Variants in XPR1 observed in about 807,000 individuals in gnomAD.
XPR1 encodes xenotropic and polytropic retrovirus receptor 1, also known as solute carrier family 53 member 1.
Under a neutral mutation model 87.5 loss-of-function variants are expected in XPR1, and 28 were observed. The observed-to-expected ratio is 0.32, with a 90% CI of 0.24 to 0.44. The LOEUF is 0.44. Among genes scored for constraint, XPR1 ranks in the 20% least tolerant of loss-of-function variants. The pLI, the probability that XPR1 is intolerant of heterozygous loss-of-function variation, is 1.00. For missense variants in XPR1, 559 were observed against 862.3 expected (o/e 0.65, Z 4.41); for synonymous variants, 300 against 306.1 (o/e 0.98, Z 0.21).
At chr1:180,848,577 T>C (rs188118611) in intron 11 of XPR1, among the ~76,000 whole-genome samples, 8 of 152,292 alleles carry the variant, frequency 5.3e-5, no homozygotes, top group Non-Finnish European at 7.4e-5. Context: ...TGGACACTTA[T>C]GTTGATTTTT....
At chr1:180,727,343 A>T (rs1313041890) in intron 2 of XPR1, among the ~76,000 whole-genome samples, 2 of 152,156 alleles carry the variant, frequency 1.3e-5, no homozygotes, top group African/African-American at 4.8e-5. Context: ...CCATAGAGCA[A>T]AGTGAAAGCA....
chr1:180,677,417 T>G (rs1323364700), intron 1 of XPR1, among the ~76,000 whole-genome samples: 1 of 151,960 alleles, frequency 6.6e-6, no homozygotes, highest in East Asian at 1.9e-4. Context: ...TGCTGATTGG[T>G]TGGGTTGGAG....
chr1:180,839,942 G>A (rs919951521), intron 11 of XPR1, among the ~76,000 whole-genome samples: 7 of 151,296 alleles, frequency 4.6e-5, no homozygotes, highest in South Asian at 2.1e-4. Flanking sequence ...TGTTGCCCTC[G>A]GCCGGGCGCG....
chr1:180,714,405 C>CGTCTGTCT (rs141207072), intron 2 of XPR1, among the ~76,000 whole-genome samples: 1 of 120,564 alleles, frequency 8.3e-6, no homozygotes, highest in Non-Finnish European at 1.7e-5. Flanking sequence ...CTCTCTCTGT[C>CGTCTGTCT]GTCTGTCTGT....
intron 2 of XPR1, among the ~76,000 whole-genome samples, chr1:180,684,194 G>A (rs1656683385): frequency 6.6e-6 from 1 of 152,206 alleles, no homozygotes; most frequent in South Asian, 2.1e-4. Context: ...TGGCTAGCCA[G>A]TTTTCCCAGC....
chr1:180,634,304 A>G (rs1340999219), intron 1 of XPR1, among the ~76,000 whole-genome samples: 2 of 152,220 alleles, frequency 1.3e-5, no homozygotes, highest in Non-Finnish European at 2.9e-5. Context: ...AGTTCCTACT[A>G]TATGGCTCCT....
intron 2 of XPR1, among the ~76,000 whole-genome samples, chr1:180,718,844 T>C (rs959195260): frequency 6.6e-6 from 1 of 152,014 alleles, no homozygotes; most frequent in African/African-American, 2.4e-5. Context: ...AATTTTTGTA[T>C]TTTTAGTAGA....
chr1:180,653,830 C>G (rs1211836182), intron 1 of XPR1, among the ~76,000 whole-genome samples: 1 of 152,134 alleles, frequency 6.6e-6, no homozygotes, highest in Non-Finnish European at 1.5e-5. Flanking sequence ...GCATTGACTA[C>G]TAAGTGACTA....
chr1:180,824,796 A>G lies in XPR1; in HGVS notation c.807A>G (p.Ile269Met). 5 of 1,614,062 alleles carry G rather than the reference A, an allele frequency of 3.1e-6. No homozygotes were observed. Among genetic ancestry groups the G allele is most frequent in the Non-Finnish European group, 4.2e-6 (5 of 1,179,982 alleles). ...CAGATAGAAGTATATGGCCCTTGAT[A>G]AGAATCTATCGGGGTGGCTTTCTTC... The part of the protein sequence containing the change: ...LETDRSIWPL[I>M]RIYRGGFLLI... Residue 269 changes from isoleucine to methionine, a missense_variant, in exon 8 of 15, where the codon ATA becomes ATG. Ile to Met is a conservative substitution (Grantham distance 10). Coordinates refer to ENST00000367590, the MANE Select transcript of XPR1 (RefSeq NM_004736.4).
At chr1:180,702,477 A>AT (rs1657377556) in intron 2 of XPR1, among the ~76,000 whole-genome samples, 1 of 151,728 alleles carries the variant, frequency 6.6e-6, no homozygotes, top group Admixed American at 6.6e-5. Flanking sequence ...GCTGAGTTCA[A>AT]TTCTTTCTTT....
At chr1:180,839,981 T>C (rs993425813) in intron 11 of XPR1, among the ~76,000 whole-genome samples, 1 of 151,852 alleles carries the variant, frequency 6.6e-6, no homozygotes, top group African/African-American at 2.4e-5. Flanking sequence ...CCCAGCACTT[T>C]GGGAGGCCGA....
In XPR1 at chr1:180,866,004, G is replaced by A. The variant is rs77630739; in HGVS notation, c.1668+2130G>A. On this transcript the variant is annotated intron_variant, in intron 12 of 14. Coordinates refer to ENST00000367590, the MANE Select transcript of XPR1 (RefSeq NM_004736.4). ...GGACAGAAGAATTGCTTGAGTTCCA[G>A]ACCAGCCTAGGCATCATAGTGTGAG... 6.6e-3 allele frequency among the ~76,000 whole-genome samples: 1,010 copies of A among 152,158 alleles called. 23 individuals carry two copies. The highest frequency in any genetic ancestry group is 0.05 in the East Asian group (259 of 5,166).
intron 2 of XPR1, among the ~76,000 whole-genome samples, chr1:180,697,539 C>G (rs1657209457): frequency 6.6e-6 from 1 of 151,842 alleles, no homozygotes; most frequent in Non-Finnish European, 1.5e-5. Flanking sequence ...TGAGGTGTAT[C>G]ATTAAATAAT....
At chr1:180,764,525 A>C (rs1648194006) in intron 2 of XPR1, among the ~76,000 whole-genome samples, 1 of 151,922 alleles carries the variant, frequency 6.6e-6, no homozygotes, top group Admixed American at 6.6e-5. Context: ...GCTGGATTGC[A>C]GTAGTGCGAT....
intron 1 of XPR1, among the ~76,000 whole-genome samples, chr1:180,679,768 T>C (rs1204053435): frequency 1.3e-5 from 2 of 152,122 alleles, no homozygotes; most frequent in African/African-American, 2.4e-5. Context: ...GTCTTTATAG[T>C]CCTAAACCCT....
chr1:180,702,715 T>C (rs187913643), intron 2 of XPR1, among the ~76,000 whole-genome samples: 8 of 152,142 alleles, frequency 5.3e-5, no homozygotes, highest in African/African-American at 1.9e-4. Context: ...TTATATTGTT[T>C]ATCTGTGTTC....
chr1:180,719,824 T>TA (rs1658119415), intron 2 of XPR1, among the ~76,000 whole-genome samples: 1 of 152,200 alleles, frequency 6.6e-6, no homozygotes, highest in East Asian at 1.9e-4. Flanking sequence ...ACATAAACTG[T>TA]TCAGTCATTT....
At chr1:180,875,705 A>G (rs1010139523) in intron 13 of XPR1, among the ~76,000 whole-genome samples, 2 of 152,102 alleles carry the variant, frequency 1.3e-5, no homozygotes, top group Non-Finnish European at 2.9e-5. Context: ...GTAGAAGTAA[A>G]TATAAAGAAC....
intron 2 of XPR1, among the ~76,000 whole-genome samples, chr1:180,707,269 A>G (rs1657590147): frequency 6.6e-6 from 1 of 152,160 alleles, no homozygotes; most frequent in South Asian, 2.1e-4. Context: ...GATTTGTTGT[A>G]TAGATTATTT....
Sources: allele counts gnomAD v4.1 joint callset (sites outside exome capture counted in the v4.1 genomes callset), GRCh38; gene constraint gnomAD v4.1.1; transcripts MANE v1.5; gene names NCBI Gene and HGNC (gene_info 2026-07-23, HGNC 2026-07-21).